PANK1: variants seen among roughly 807,000 people sequenced by gnomAD.
PANK1 encodes pantothenate kinase 1.
A neutral mutation model predicts 40.1 loss-of-function variants in PANK1; 18 were observed. The ratio of observed to expected loss-of-function variants is 0.45; its 90% CI spans 0.31 to 0.67. The LOEUF is 0.67. PANK1 is among the 30% of genes least tolerant of loss of function. The probability of loss-of-function intolerance (pLI) is 0.06; values close to 1 mark genes in which losing one functional copy is unlikely to be tolerated. For missense variants in PANK1, 457 were observed against 599.6 expected (o/e 0.76, Z 2.48); for synonymous variants, 242 against 237.7 (o/e 1.02, Z -0.17).
chr10:89,590,563 T>C (rs1377502851), intron 5 of PANK1, among the ~76,000 whole-genome samples: 1 of 152,210 alleles, frequency 6.6e-6, no homozygotes. Flanking sequence ...CCTATTGATA[T>C]ACTCACATGT....
intron 3 of PANK1, among the ~76,000 whole-genome samples, chr10:89,596,989 C>T (rs142098306): frequency 6.6e-6 from 1 of 152,044 alleles, no homozygotes; most frequent in Non-Finnish European, 1.5e-5. Flanking sequence ...TGGGATGCAA[C>T]AAAATTATAT....
In PANK1 at chr10:89,583,893, A is replaced by G. The variant is rs1026264593; in HGVS notation, c.*513T>C. On this transcript the variant is annotated 3_prime_UTR_variant, in exon 7 of 7. Transcript: ENST00000307534. ...CAACTAAAACAGAAAAACAAGACAA[A>G]AAAGGGTACAAAACAAATAACAAAA... 2 of 152,734 alleles carry G rather than the reference A, an allele frequency of 1.3e-5. No individual in the cohort carries two copies. The highest frequency in any genetic ancestry group is 2.9e-5 in the Non-Finnish European group (2 of 68,142). The allele number at this position is 152,734 out of a possible 1,614,324, so 9.5% of individuals were successfully genotyped here.
At chr10:89,588,541 A>G in intron 6 of PANK1, 111 bp downstream of exon 6, 1 of 768,110 alleles carries the variant, frequency 1.3e-6, no homozygotes, top group East Asian at 2.9e-5. Flanking sequence ...CAAAGTGTAA[A>G]TGGCAACTTT....
At chr10:89,631,976 G>GTGTGTTT (rs199540491) in intron 1 of PANK1, among the ~76,000 whole-genome samples, 8 of 143,310 alleles carry the variant, frequency 5.6e-5, no homozygotes, top group Admixed American at 1.4e-4. Context: ...GTGTGTGTGT[G>GTGTGTTT]TTTTTTTTTT....
chr10:89,633,573 G>C (rs373162066), intron 1 of PANK1, among the ~76,000 whole-genome samples: 3 of 151,710 alleles, frequency 2.0e-5, no homozygotes, highest in African/African-American at 7.3e-5. Context: ...GGGAGAGTAT[G>C]AATAGTAAAC....
rs750305809 is a variant in PANK1 at position 89,611,824 on chromosome 10, T to C, written c.517A>G (p.Ile173Val). 2.5e-6 allele frequency: 4 copies of C among 1,614,222 alleles called. No individual in the cohort carries two copies. The highest frequency in any genetic ancestry group is 1.7e-5 in the Admixed American group (1 of 60,022). ...MCGRKGNLHF[I>V]RFPSCAMHRF... is the part of the protein sequence containing the mutation. ...TGCATAGCACAGCTGGGAAAGCGGA[T>C]GAAGTGCAGGTTCCCTTTGCGTCCA... The change falls in exon 2 of 7, where the codon ATC becomes GTC. Residue 173 changes from isoleucine to valine, a missense_variant. This residue lies in a region of PANK1 where 286 missense variants were observed against 415.8 expected (regional missense o/e 0.69). Coordinates refer to ENST00000307534, the MANE Select transcript of PANK1 (RefSeq NM_148977.3).
intron 1 of PANK1, among the ~76,000 whole-genome samples, chr10:89,622,663 G>A (rs1393429466): frequency 2.0e-5 from 3 of 151,912 alleles, no homozygotes; most frequent in Non-Finnish European, 2.9e-5. Context: ...GTGAAACCCC[G>A]TCTCTACTAA....
At chr10:89,598,598 G>A (rs912788469) in intron 3 of PANK1, among the ~76,000 whole-genome samples, 1 of 152,152 alleles carries the variant, frequency 6.6e-6, no homozygotes, top group Non-Finnish European at 1.5e-5. Context: ...GACCCTAGAT[G>A]TTTTTCCCAT....
At chr10:89,620,551 T>C (rs551195505) in intron 1 of PANK1, among the ~76,000 whole-genome samples, 1 of 152,356 alleles carries the variant, frequency 6.6e-6, no homozygotes, top group East Asian at 1.9e-4. Context: ...TCGAACCCTA[T>C]TTCCTGTTAA....
intron 2 of PANK1, among the ~76,000 whole-genome samples, chr10:89,605,028 G>A (rs1844911760): frequency 6.6e-6 from 1 of 150,470 alleles, no homozygotes; most frequent in Admixed American, 6.6e-5. Context: ...TGGGATTACA[G>A]GTGTGAGCCA....
intron 1 of PANK1, among the ~76,000 whole-genome samples, chr10:89,613,638 G>T (rs1192959745): frequency 2.0e-5 from 3 of 152,230 alleles, no homozygotes; most frequent in African/African-American, 7.2e-5. Context: ...ACAAGACCAA[G>T]TTAACAAATG....
chr10:89,618,419 T>C (rs749997726), intron 1 of PANK1, among the ~76,000 whole-genome samples: 12 of 152,190 alleles, frequency 7.9e-5, no homozygotes, highest in Non-Finnish European at 1.8e-4. Flanking sequence ...GAAATGACTT[T>C]ATATCATCAC....
At chr10:89,595,878 T>C (rs1844583842) in intron 3 of PANK1, among the ~76,000 whole-genome samples, 1 of 90,406 alleles carries the variant, frequency 1.1e-5, no homozygotes, top group Non-Finnish European at 2.3e-5. Context: ...ATATATAACT[T>C]CATTTACTAA....
chr10:89,589,989 T>G (rs1425090960), intron 5 of PANK1, among the ~76,000 whole-genome samples: 1 of 148,218 alleles, frequency 6.7e-6, no homozygotes, highest in African/African-American at 2.5e-5. Flanking sequence ...TGGAAGAGCA[T>G]TCCATGTTTC....
Position 89,621,762 on chromosome 10 carries a change from A to G in PANK1, c.293-9714T>C, listed in dbSNP as rs112407112. Among the ~76,000 whole-genome samples, 1,115 of 152,274 alleles carry G rather than the reference A, an allele frequency of 7.3e-3. 17 individuals carry two copies. The highest frequency in any genetic ancestry group is 0.025 in the African/African-American group (1,035 of 41,540). On this transcript the variant is annotated intron_variant, in intron 1 of 6. Transcript: ENST00000307534. ...GGAGCCTCACTCTGCTGCTCAGGCTAGAGTGCAGTGGCACAATCTCGGCTC... is the reference window on the plus strand; with the variant it reads ...GGAGCCTCACTCTGCTGCTCAGGCTGGAGTGCAGTGGCACAATCTCGGCTC...
At chr10:89,627,863 G>C (rs1841520044) in intron 1 of PANK1, among the ~76,000 whole-genome samples, 1 of 152,034 alleles carries the variant, frequency 6.6e-6, no homozygotes, top group South Asian at 2.1e-4. Flanking sequence ...ACTTATACAA[G>C]TTTTAAAATA....
chr10:89,616,421 A>G (rs77694740), intron 1 of PANK1, among the ~76,000 whole-genome samples: 11,624 of 152,306 alleles, frequency 0.076, 553 homozygotes, highest in Admixed American at 0.11. Context: ...ACAGATTTAT[A>G]TGATAGAATG....
At chr10:89,603,310 G>A (rs560469725) in intron 2 of PANK1, among the ~76,000 whole-genome samples, 1 of 152,250 alleles carries the variant, frequency 6.6e-6, no homozygotes, top group South Asian at 2.1e-4. Context: ...AGTAGGTGCT[G>A]GCTGTAGCAT....
chr10:89,582,883 GA>G (rs1311785464), downstream of PANK1: 1 of 152,152 alleles, frequency 6.6e-6, no homozygotes, highest in Admixed American at 6.5e-5. Flanking sequence ...CTCCAATTTT[GA>G]AATGTAGAGT....
Sources: allele counts gnomAD v4.1 joint callset (sites outside exome capture counted in the v4.1 genomes callset), GRCh38; gene constraint gnomAD v4.1.1; regional missense constraint gnomAD v4.1.1; transcripts MANE v1.5; gene names NCBI Gene and HGNC (gene_info 2026-07-23, HGNC 2026-07-21).